The following SORCS1 variants were observed in gnomAD, a reference collection of about 807,000 sequenced individuals.
SORCS1 encodes the protein VPS10 domain-containing receptor SorCS1.
SORCS1 carries 60 observed loss-of-function variants against 146.1 expected under a neutral mutation model. The observed-to-expected ratio is 0.41, with a 90% CI of 0.33 to 0.51. The LOEUF (loss-of-function observed/expected upper bound fraction) is 0.51, where lower values mean the gene tolerates loss of function less well. Among genes scored for constraint, SORCS1 ranks in the 20% least tolerant of loss-of-function variants. SORCS1 has a pLI of 0.21. For synonymous variants in SORCS1, 637 were observed against 584.0 expected, an observed-to-expected ratio of 1.09 and a Z score of -1.31; for missense variants, 1,352 against 1,487.6, an observed-to-expected ratio of 0.91 and a Z score of 1.50.
At chr10:106,965,918 T>G (rs931136713) in intron 1 of SORCS1, among the ~76,000 whole-genome samples, 4 of 152,194 alleles carry the variant, frequency 2.6e-5, no homozygotes, top group African/African-American at 7.2e-5. Context: ...CATGCTTGAG[T>G]TTTTACTCTT....
At chr10:106,943,631 C>T (rs1416020634) in intron 2 of SORCS1, among the ~76,000 whole-genome samples, 1 of 148,406 alleles carries the variant, frequency 6.7e-6, no homozygotes, top group Non-Finnish European at 1.5e-5. Flanking sequence ...CACTGTGAAA[C>T]CCCATCTCTA....
chr10:107,013,038 G>A (rs1438974463), intron 1 of SORCS1, among the ~76,000 whole-genome samples: 1 of 152,136 alleles, frequency 6.6e-6, no homozygotes, highest in Non-Finnish European at 1.5e-5. Flanking sequence ...CCTTGGTGGA[G>A]TTCCTTAAGG....
At chr10:107,179,484 T>C in the SORCS1 span, among the ~76,000 whole-genome samples, 1 of 152,224 alleles carries the variant, frequency 6.6e-6, no homozygotes, top group Admixed American at 6.5e-5. Flanking sequence ...AATATAAACC[T>C]CTTGAGAATG....
At chr10:106,579,101 GGATT>G (rs751858994) in intron 25 of SORCS1, 4 of 1,613,872 alleles carry the variant, frequency 2.5e-6, no homozygotes, top group Non-Finnish European at 3.4e-6. Flanking sequence ...CTATGAGCTG[GGATT>G]CCACCTTCTC....
chr10:106,761,251 C>T (rs1197429921), intron 5 of SORCS1, among the ~76,000 whole-genome samples: 1 of 152,022 alleles, frequency 6.6e-6, no homozygotes, highest in Admixed American at 6.6e-5. Context: ...GTATATAATG[C>T]TTTTAATAAT....
chr10:107,002,611 A>G (rs915018336), intron 1 of SORCS1, among the ~76,000 whole-genome samples: 6 of 152,238 alleles, frequency 3.9e-5, no homozygotes, highest in Non-Finnish European at 5.9e-5. Context: ...AATATGCTAT[A>G]TTACATGAAT....
At chr10:106,701,667 A>AC (rs1256523564) in intron 8 of SORCS1, among the ~76,000 whole-genome samples, 3 of 152,196 alleles carry the variant, frequency 2.0e-5, no homozygotes, top group Non-Finnish European at 4.4e-5. Flanking sequence ...AGCTCATCCC[A>AC]CCGCCAGACT....
intron 24 of SORCS1, among the ~76,000 whole-genome samples, chr10:106,587,853 G>A (rs913157917): frequency 2.1e-4 from 32 of 152,078 alleles, no homozygotes; most frequent in Non-Finnish European, 1.8e-4. Flanking sequence ...TTTGGGGGGG[G>A]TCATGTTTTT....
At chr10:106,730,726 C>A (rs1009869141) in intron 5 of SORCS1, among the ~76,000 whole-genome samples, 5 of 152,106 alleles carry the variant, frequency 3.3e-5, no homozygotes, top group African/African-American at 1.2e-4. Flanking sequence ...CTTGGAGACA[C>A]ATATTATTTT....
rs141528027 is a variant in SORCS1, at chr10:106,682,501, A to C, written c.1561-2767T>G. Among the ~76,000 whole-genome samples, 286 of 152,358 alleles carry C rather than the reference A, an allele frequency of 1.9e-3. 2 individuals are homozygous for C. Among genetic ancestry groups the C allele is most frequent in the African/African-American group, 6.7e-3 (277 of 41,592 alleles). On this transcript the variant is annotated intron_variant, in intron 10 of 25. Transcript: ENST00000263054. ...GATTCATCTTCACTTTTTTAACTTA[A>C]GCTGTTGTACTGACCAGTTTTGGAC...
chr10:106,825,462 CG>C (rs1355531593), intron 3 of SORCS1, among the ~76,000 whole-genome samples: 3 of 151,770 alleles, frequency 2.0e-5, no homozygotes, highest in Non-Finnish European at 4.4e-5. Flanking sequence ...TTAGTAGAGA[CG>C]GGGTTTCACC....
At chr10:107,017,800 G>C (rs563366209) in intron 1 of SORCS1, among the ~76,000 whole-genome samples, 1 of 152,216 alleles carries the variant, frequency 6.6e-6, no homozygotes, top group Admixed American at 6.5e-5. Flanking sequence ...CCAAGTGCGT[G>C]CCACCACGCC....
chr10:106,892,360 C>T (rs1951270646), intron 2 of SORCS1, among the ~76,000 whole-genome samples: 1 of 152,226 alleles, frequency 6.6e-6, no homozygotes, highest in South Asian at 2.1e-4. Flanking sequence ...TATTTACCTA[C>T]TTCAAATAGT....
chr10:106,764,853 C>T (rs1859435502), intron 4 of SORCS1, among the ~76,000 whole-genome samples: 1 of 151,902 alleles, frequency 6.6e-6, no homozygotes, highest in Admixed American at 6.6e-5. Flanking sequence ...GAAACTCCGT[C>T]TCTACTAAAA....
Position 107,016,925 on chromosome 10 carries a change from A to G in SORCS1, c.559-60345T>C, listed in dbSNP as rs181928979. On this transcript the variant is annotated intron_variant, in intron 1 of 25. Coordinates refer to ENST00000263054, the MANE Select transcript of SORCS1 (RefSeq NM_052918.5). ...CATTTTTGAAATGTTTAATTTCATT[A>G]TTCTTTAGGAAAACACAAACGAAAA... 5.3e-5 allele frequency among the ~76,000 whole-genome samples: 8 copies of G among 152,364 alleles called. No homozygotes were observed. The East Asian group carries it at 1.5e-3, about 29-fold the overall frequency.
intron 1 of SORCS1, among the ~76,000 whole-genome samples, chr10:107,119,376 G>C (rs566268330): frequency 6.6e-6 from 1 of 152,140 alleles, no homozygotes; most frequent in South Asian, 2.1e-4. Flanking sequence ...TTAAAGAAAG[G>C]CTATGGTTTG....
At chr10:106,831,398 C>T (rs942748250) in intron 2 of SORCS1, among the ~76,000 whole-genome samples, 5 of 152,084 alleles carry the variant, frequency 3.3e-5, no homozygotes, top group Admixed American at 3.3e-4. Flanking sequence ...AAGTATGTCA[C>T]AATTTTATTT....
intron 3 of SORCS1, among the ~76,000 whole-genome samples, chr10:106,824,560 G>C (rs943621076): frequency 1.3e-5 from 2 of 148,758 alleles, no homozygotes; most frequent in African/African-American, 5.0e-5. Flanking sequence ...CTGCACTCCA[G>C]CCTGGGCAAT....
intron 2 of SORCS1, among the ~76,000 whole-genome samples, chr10:106,921,854 T>A (rs1952728846): frequency 1.3e-5 from 2 of 152,210 alleles, no homozygotes; most frequent in South Asian, 4.1e-4. Context: ...ATTTCTTTGC[T>A]ATGTTGCCTG....
Sources: allele counts gnomAD v4.1 joint callset (sites outside exome capture counted in the v4.1 genomes callset), GRCh38; gene constraint gnomAD v4.1.1; transcripts MANE v1.5; gene names NCBI Gene and HGNC (gene_info 2026-07-23, HGNC 2026-07-21).